The following ARHGAP44 variants were observed in gnomAD, a reference collection of about 807,000 sequenced individuals.
ARHGAP44 encodes the protein Rho GTPase activating protein 44, also known as rho GTPase-activating protein 44.
ARHGAP44 carries 43 observed loss-of-function variants against 106.8 expected under a neutral mutation model. That is an observed-to-expected ratio of 0.40 (90% CI 0.32 to 0.52). The LOEUF is 0.52. Among genes scored for constraint, ARHGAP44 ranks in the 20% least tolerant of loss-of-function variants. The pLI, the probability that ARHGAP44 is intolerant of heterozygous loss-of-function variation, is 0.48. For synonymous variants in ARHGAP44, 439 were observed against 410.3 expected, an observed-to-expected ratio of 1.07 and a Z score of -0.85; for missense variants, 866 against 1,050.5, an observed-to-expected ratio of 0.82 and a Z score of 2.43.
chr17:12,960,436 C>T (rs1381931625), intron 16 of ARHGAP44, among the ~76,000 whole-genome samples: 3 of 151,876 alleles, frequency 2.0e-5, no homozygotes, highest in Non-Finnish European at 4.4e-5. Flanking sequence ...AGTGGTGGCA[C>T]GCACTTGTAA....
At chr17:12,967,125 G>T (rs2039410211) in intron 16 of ARHGAP44, among the ~76,000 whole-genome samples, 1 of 148,078 alleles carries the variant, frequency 6.8e-6, no homozygotes, top group Non-Finnish European at 1.5e-5. Flanking sequence ...GTTTTGCTGG[G>T]GCAGGTCTTT....
At chr17:12,926,499 G>A (rs1240662096) in intron 6 of ARHGAP44, among the ~76,000 whole-genome samples, 3 of 138,840 alleles carry the variant, frequency 2.2e-5, no homozygotes, top group South Asian at 2.2e-4. Flanking sequence ...TATAATATAT[G>A]TATATATATT....
chr17:12,876,163 A>G (rs940644435), intron 1 of ARHGAP44, among the ~76,000 whole-genome samples: 3 of 152,090 alleles, frequency 2.0e-5, no homozygotes, highest in Non-Finnish European at 4.4e-5. Flanking sequence ...CATGTGTCCT[A>G]AGTCATCCCA....
chr17:12,810,172 G>C (rs1471301624), intron 1 of ARHGAP44, among the ~76,000 whole-genome samples: 1 of 152,172 alleles, frequency 6.6e-6, no homozygotes, highest in East Asian at 1.9e-4. Context: ...GGAAATCCTT[G>C]TTTGACCCAC....
At chr17:12,855,189 G>A (rs780069464) in intron 1 of ARHGAP44, among the ~76,000 whole-genome samples, 1 of 151,810 alleles carries the variant, frequency 6.6e-6, no homozygotes, top group Admixed American at 6.6e-5. Flanking sequence ...AGATCTCTGG[G>A]GCCAGGAGTT....
intron 1 of ARHGAP44, among the ~76,000 whole-genome samples, chr17:12,835,563 A>G (rs2035213577): frequency 6.6e-6 from 1 of 152,216 alleles, no homozygotes; most frequent in South Asian, 2.1e-4. Flanking sequence ...CAGATTTCAT[A>G]AGAAAGCATT....
In ARHGAP44 at chr17:12,814,819, T is replaced by G. The variant is rs1453711563; in HGVS notation, c.53+24928T>G. The stretch of plus-strand genomic sequence containing the variant: ...TTATCTCCTGCTCCCTCCTTATTTT[T>G]ACTTTTGATTTATCTTTCTGAAAAA... On this transcript the variant is annotated intron_variant, in intron 1 of 20. Coordinates refer to ENST00000379672, the MANE Select transcript of ARHGAP44 (RefSeq NM_014859.6). Among the ~76,000 whole-genome samples the G allele has an allele frequency of 2.6e-5, 4 of 152,204 alleles. No homozygotes were observed. In the East Asian group the frequency reaches 7.7e-4, roughly 29 times the overall value.
chr17:12,876,265 T>C (rs2150891238), intron 1 of ARHGAP44, among the ~76,000 whole-genome samples: 1 of 152,254 alleles, frequency 6.6e-6, no homozygotes, highest in South Asian at 2.1e-4. Context: ...TCGGCTTGCT[T>C]ACCTTGCTTT....
chr17:12,939,497 T>C (rs918566397), intron 7 of ARHGAP44, among the ~76,000 whole-genome samples: 4 of 152,056 alleles, frequency 2.6e-5, no homozygotes, highest in African/African-American at 4.8e-5. Flanking sequence ...ACAGAGTCTC[T>C]CTCTGTTGCC....
intron 2 of ARHGAP44, among the ~76,000 whole-genome samples, chr17:12,895,198 C>T (rs540138535): frequency 2.1e-4 from 23 of 108,430 alleles, no homozygotes; most frequent in Non-Finnish European, 4.2e-4. Flanking sequence ...AGCCATCCCT[C>T]GATGTGGTTA....
chr17:12,891,516 C>T (rs957741665), intron 1 of ARHGAP44, among the ~76,000 whole-genome samples: 1 of 152,148 alleles, frequency 6.6e-6, no homozygotes. Context: ...AATGAACACA[C>T]TCCCACAGTG....
At chr17:12,853,411 G>C (rs1185956720) in intron 1 of ARHGAP44, among the ~76,000 whole-genome samples, 3 of 152,212 alleles carry the variant, frequency 2.0e-5, no homozygotes, top group Non-Finnish European at 2.9e-5. Flanking sequence ...CTGATCTACA[G>C]AAGGAGGTGG....
chr17:12,991,576 T>TTATC lies in ARHGAP44; in HGVS notation c.*1407_*1410dup, dbSNP rs72107211. Reference sequence around the variant, plus strand: ...GGGTAAGGGTGGGGGTTGAAAGTTGTTATCTTTAAATACATGTACAAATCG... The same window carrying TTATC: ...GGGTAAGGGTGGGGGTTGAAAGTTGTTATCTATCTTTAAATACATGTACAAATCG... On this transcript the variant is annotated 3_prime_UTR_variant, in exon 21 of 21. Coordinates refer to ENST00000379672, the MANE Select transcript of ARHGAP44 (RefSeq NM_014859.6). The TTATC allele has an allele frequency of 0.017, 3,097 of 179,242 alleles. 92 individuals carry two copies. Among genetic ancestry groups the TTATC allele is most frequent in the African/African-American group, 0.067 (2,820 of 42,392 alleles). 11.1% of individuals were successfully genotyped at this position (179,242 alleles called of 1,614,324 possible). A position where few individuals can be genotyped will look rare whatever the true frequency, so the allele number is the denominator to read the frequency against.
In ARHGAP44 at chr17:12,980,051, G is replaced by T. The variant is rs758209403; in HGVS notation, c.1764-7G>T. The T allele has an allele frequency of 1.3e-5, 21 of 1,596,124 alleles. No individual in the cohort carries two copies. Among genetic ancestry groups the T allele is most frequent in the Middle Eastern group, 1.7e-4 (1 of 5,948 alleles). On this transcript the variant is annotated splice_region_variant and splice_polypyrimidine_tract_variant and intron_variant, in intron 18 of 20. Transcript: ENST00000379672. ...CTTTTCTTTTGTCTCATGTGCTTTC[G>T]TTTCAGCACAACAAAAAGCAAGGAA...
intron 1 of ARHGAP44, among the ~76,000 whole-genome samples, chr17:12,806,926 CA>C (rs1205153634): frequency 5.3e-5 from 8 of 152,032 alleles, no homozygotes; most frequent in Non-Finnish European, 8.8e-5. Flanking sequence ...GGAAGCAAAA[CA>C]AAAAATATTT....
chr17:12,877,744 C>T (rs1164382628), intron 1 of ARHGAP44, among the ~76,000 whole-genome samples: 4 of 149,458 alleles, frequency 2.7e-5, no homozygotes, highest in Admixed American at 6.7e-5. Context: ...AGCGAGACTC[C>T]GTCTAAAAAA....
At chr17:12,937,703 A>C (rs1227876003) in intron 7 of ARHGAP44, among the ~76,000 whole-genome samples, 2 of 152,166 alleles carry the variant, frequency 1.3e-5, no homozygotes, top group African/African-American at 4.8e-5. Context: ...AGAAACTGGA[A>C]GTCAACAATA....
intron 1 of ARHGAP44, among the ~76,000 whole-genome samples, chr17:12,845,912 G>A (rs532053314): frequency 2.0e-5 from 3 of 152,288 alleles, no homozygotes; most frequent in Admixed American, 2.0e-4. Flanking sequence ...GCCCATCTCT[G>A]TATATTGTGT....
intron 16 of ARHGAP44, among the ~76,000 whole-genome samples, chr17:12,969,727 CCCTACTACAA>C (rs771672770): frequency 3.9e-5 from 6 of 152,184 alleles, no homozygotes; most frequent in Non-Finnish European, 8.8e-5. Context: ...GCTAGCTAGA[CCCTACTACAA>C]CCCACTGTAT....
Sources: gnomAD v4.1 joint callset for allele counts (sites outside exome capture counted in the v4.1 genomes callset) on GRCh38, gnomAD v4.1.1 for gene constraint, MANE v1.5 for transcripts, NCBI Gene and HGNC (gene_info 2026-07-23, HGNC 2026-07-21) for gene names.